Variants in CADM2 observed in about 807,000 individuals in gnomAD.
CADM2 encodes immunoglobulin superfamily member 4D.
CADM2 carries 12 observed loss-of-function variants against 49.8 expected under a neutral mutation model. The observed-to-expected ratio is 0.24, with a 90% confidence interval of 0.15 to 0.39. The LOEUF (loss-of-function observed/expected upper bound fraction) is 0.39. CADM2 is among the 10% of genes least tolerant of loss of function. The pLI is 1.00. For synonymous variants in CADM2, 214 were observed against 175.4 expected (o/e 1.22, Z -1.74); for missense variants, 378 against 492.3 (o/e 0.77, Z 2.20).
chr3:85,345,124 T>G (rs956741103), intron 1 of CADM2, among the ~76,000 whole-genome samples: 6 of 151,836 alleles, frequency 4.0e-5, no homozygotes, highest in Admixed American at 1.3e-4. Flanking sequence ...GAGAGCAGCC[T>G]GGACAACCTG....
rs71105002 is a variant in CADM2, at chr3:85,032,215, G to GTTT, written c.61+72557_61+72559dup. 4.6e-3 allele frequency among the ~76,000 whole-genome samples: 676 copies of GTTT among 147,520 alleles called. 4 individuals are homozygous for GTTT. Among genetic ancestry groups the GTTT allele is most frequent in the African/African-American group, 0.016 (649 of 40,458 alleles). ...GAAGGTTTGGTAGTCCCAGTTACTGGTTTTTTTTTTTTATCTTGAGTTGCA... is the reference window on the plus strand; with the variant it reads ...GAAGGTTTGGTAGTCCCAGTTACTGGTTTTTTTTTTTTTTTATCTTGAGTTGCA... On this transcript the variant is annotated intron_variant, in intron 1 of 9. Coordinates refer to ENST00000383699, the MANE Select transcript of CADM2 (RefSeq NM_001167675.2).
chr3:85,918,805 G>A (rs1377755927), intron 6 of CADM2, among the ~76,000 whole-genome samples: 2 of 152,100 alleles, frequency 1.3e-5, no homozygotes, highest in African/African-American at 4.8e-5. Flanking sequence ...ACTCAAATTT[G>A]TCCTCCCATT....
Position 85,443,293 on chromosome 3 carries a change from T to A in CADM2, c.62-283229T>A, listed in dbSNP as rs183114099. Among the ~76,000 whole-genome samples, 82 of 152,268 alleles carry A rather than the reference T, an allele frequency of 5.4e-4. 1 individual carries two copies. Among genetic ancestry groups the A allele is most frequent in the African/African-American group, 1.8e-3 (73 of 41,574 alleles). On this transcript the variant is annotated intron_variant, in intron 1 of 9. Transcript: ENST00000383699. ...GCCTAGCAATTACAGGAAAACATAC[T>A]TTGCTGAATTGATGCCATGGAAGAA...
intron 1 of CADM2, among the ~76,000 whole-genome samples, chr3:85,016,858 C>T (rs758527569): frequency 3.3e-5 from 5 of 151,612 alleles, no homozygotes; most frequent in Non-Finnish European, 7.4e-5. Flanking sequence ...CAGCCAAAGA[C>T]CACAATTTTG....
intron 8 of CADM2, among the ~76,000 whole-genome samples, chr3:85,981,058 A>G (rs1727417356): frequency 6.6e-6 from 1 of 151,366 alleles, no homozygotes; most frequent in Non-Finnish European, 1.5e-5. Context: ...CTTAATCTTT[A>G]TTGAAAAGTA....
At chr3:85,580,633 T>G (rs2107292855) in intron 1 of CADM2, among the ~76,000 whole-genome samples, 1 of 152,268 alleles carries the variant, frequency 6.6e-6, no homozygotes, top group African/African-American at 2.4e-5. Context: ...AATAATGACC[T>G]ATTTTTTCTA....
intron 3 of CADM2, among the ~76,000 whole-genome samples, chr3:85,842,105 A>G (rs1271822464): frequency 6.6e-6 from 1 of 152,148 alleles, no homozygotes; most frequent in African/African-American, 2.4e-5. Context: ...CAGAGGTTAA[A>G]AAAGTCTACC....
intron 3 of CADM2, among the ~76,000 whole-genome samples, chr3:85,868,195 A>G (rs1577516222): frequency 6.6e-6 from 1 of 152,056 alleles, no homozygotes; most frequent in South Asian, 2.1e-4. Flanking sequence ...TTATTATAGA[A>G]TAGATACCAT....
intron 1 of CADM2, among the ~76,000 whole-genome samples, chr3:85,715,170 G>A (rs1012815926): frequency 6.6e-6 from 1 of 151,986 alleles, no homozygotes; most frequent in Non-Finnish European, 1.5e-5. Flanking sequence ...TTTTTTACAT[G>A]TCACCTTCTG....
intron 1 of CADM2, among the ~76,000 whole-genome samples, chr3:85,173,099 A>G (rs1031251651): frequency 6.7e-6 from 1 of 149,614 alleles, no homozygotes; most frequent in South Asian, 2.1e-4. Flanking sequence ...GGTTCATGCC[A>G]TTCTCCTGCC....
intron 1 of CADM2, among the ~76,000 whole-genome samples, chr3:85,551,063 G>A (rs2061790353): frequency 1.3e-5 from 2 of 151,986 alleles, no homozygotes; most frequent in South Asian, 2.1e-4. Context: ...GGCTCACTGA[G>A]ACCTCTACCT....
intron 1 of CADM2, among the ~76,000 whole-genome samples, chr3:85,429,446 A>T (rs1422354039): frequency 6.6e-6 from 1 of 152,122 alleles, no homozygotes; most frequent in East Asian, 1.9e-4. Context: ...ATAGGGTTTT[A>T]ATTATATATC....
At chr3:85,759,591 A>C (rs1050798329) in intron 2 of CADM2, among the ~76,000 whole-genome samples, 2 of 152,144 alleles carry the variant, frequency 1.3e-5, no homozygotes, top group Non-Finnish European at 2.9e-5. Context: ...AAGAAAGGAA[A>C]GGGGTTTAAA....
intron 1 of CADM2, among the ~76,000 whole-genome samples, chr3:85,212,606 C>T (rs2041804727): frequency 6.6e-6 from 1 of 151,912 alleles, no homozygotes; most frequent in Non-Finnish European, 1.5e-5. Context: ...TCTCACACTT[C>T]TAAATTTTCT....
rs868675842 is a variant in CADM2 at position 85,363,870 on chromosome 3, T to C, written c.62-362652T>C. Among the ~76,000 whole-genome samples the C allele has an allele frequency of 2.6e-4, 40 of 151,544 alleles. 1 individual carries two copies. Among genetic ancestry groups the C allele is most frequent in the Middle Eastern group, 6.8e-3 (2 of 294 alleles). On this transcript the variant is annotated intron_variant, in intron 1 of 9. Transcript: ENST00000383699. ...TCGTGATCCGCCCGCCTCGGCCTCC[T>C]AAAGTGCTGGGATTACAGGCGTGAG...
intron 2 of CADM2, among the ~76,000 whole-genome samples, chr3:85,727,213 G>T (rs2067738518): frequency 6.6e-6 from 1 of 152,002 alleles, no homozygotes; most frequent in Non-Finnish European, 1.5e-5. Context: ...TCTGTTTAGA[G>T]CAGTCTACAT....
chr3:85,313,339 G>T (rs1197384626), intron 1 of CADM2, among the ~76,000 whole-genome samples: 3 of 152,054 alleles, frequency 2.0e-5, no homozygotes, highest in Non-Finnish European at 4.4e-5. Flanking sequence ...ATCTCTTTTT[G>T]CAGCAAAGTT....
chr3:85,889,201 T>A (rs749114293), intron 5 of CADM2, among the ~76,000 whole-genome samples: 2 of 152,204 alleles, frequency 1.3e-5, no homozygotes, highest in Non-Finnish European at 2.9e-5. Flanking sequence ...ATCTTTATCT[T>A]TTCTCTATCA....
At chr3:86,048,336 A>G (rs1259996364) in intron 8 of CADM2, among the ~76,000 whole-genome samples, 1 of 151,940 alleles carries the variant, frequency 6.6e-6, no homozygotes, top group African/African-American at 2.4e-5. Flanking sequence ...GATGTTTTGT[A>G]GGAGAAAAAT....
Sources: allele counts gnomAD v4.1 joint callset (sites outside exome capture counted in the v4.1 genomes callset), GRCh38; gene constraint gnomAD v4.1.1; transcripts MANE v1.5; gene names NCBI Gene and HGNC (gene_info 2026-07-23, HGNC 2026-07-21).